The following CNTNAP2 variants were observed in gnomAD, a reference collection of about 807,000 sequenced individuals.
CNTNAP2 encodes contactin associated protein 2.
A neutral mutation model predicts 155.2 loss-of-function variants in CNTNAP2; 98 were observed. The ratio of observed to expected loss-of-function variants is 0.63; its 90% confidence interval spans 0.54 to 0.75. CNTNAP2 has a LOEUF of 0.75. CNTNAP2 is among the 30% of genes least tolerant of loss of function. The pLI is 0.00. For missense variants in CNTNAP2, 1,727 were observed against 1,688.1 expected (o/e 1.02, Z -0.40); for synonymous variants, 651 against 631.2 (o/e 1.03, Z -0.47).
chr7:147,782,022 A>T (rs938884376), intron 13 of CNTNAP2, among the ~76,000 whole-genome samples: 3 of 49,140 alleles, frequency 6.1e-5, no homozygotes, highest in Admixed American at 1.7e-4. Context: ...GATTCCGTTT[A>T]AAAAAAAAAA....
intron 16 of CNTNAP2, among the ~76,000 whole-genome samples, chr7:148,122,940 G>A (rs1281241490): frequency 6.6e-6 from 1 of 152,192 alleles, no homozygotes; most frequent in African/African-American, 2.4e-5. Context: ...TAAGTGGACG[G>A]GAAGATCCTA....
chr7:146,466,683 A>C (rs1009403463), intron 1 of CNTNAP2, among the ~76,000 whole-genome samples: 13 of 152,206 alleles, frequency 8.5e-5, no homozygotes, highest in African/African-American at 2.7e-4. Flanking sequence ...TAATAGTTTT[A>C]AGCGTAATAA....
intron 17 of CNTNAP2, among the ~76,000 whole-genome samples, chr7:148,164,587 A>T (rs1805613576): frequency 6.8e-6 from 1 of 146,856 alleles, no homozygotes; most frequent in Non-Finnish European, 1.5e-5. Context: ...CACCCATCCT[A>T]ACTCTGTGCT....
At chr7:148,355,268 G>A (rs150493871) in intron 21 of CNTNAP2, among the ~76,000 whole-genome samples, 19 of 128,328 alleles carry the variant, frequency 1.5e-4, no homozygotes, top group East Asian at 5.2e-4. Context: ...TACAAGCTCC[G>A]CCTCCCAGGT....
At chr7:146,472,171 G>T (rs959663819) in intron 1 of CNTNAP2, among the ~76,000 whole-genome samples, 1 of 152,156 alleles carries the variant, frequency 6.6e-6, no homozygotes, top group Admixed American at 6.5e-5. Context: ...ACAGTGGGTG[G>T]ATATGACTAC....
At chr7:146,721,889 A>ATATATATATATATATATATATTTTT in intron 1 of CNTNAP2, among the ~76,000 whole-genome samples, 2 of 69,738 alleles carry the variant, frequency 2.9e-5, no homozygotes, top group African/African-American at 3.8e-4. Context: ...ATATATATAT[A>ATATATATATATATATATATATTTTT]TTTTTTTTTT....
chr7:146,814,581 A>G (rs1351141396), intron 2 of CNTNAP2, among the ~76,000 whole-genome samples: 2 of 152,204 alleles, frequency 1.3e-5, no homozygotes, highest in African/African-American at 2.4e-5. Context: ...TGGCTATAGA[A>G]CTAGACAATT....
intron 1 of CNTNAP2, among the ~76,000 whole-genome samples, chr7:146,513,561 A>C (rs1797498740): frequency 6.6e-6 from 1 of 152,056 alleles, no homozygotes; most frequent in Admixed American, 6.6e-5. Context: ...ACAGAAACAA[A>C]GAAAACTATA....
intron 2 of CNTNAP2, among the ~76,000 whole-genome samples, chr7:146,788,277 G>A (rs1031847502): frequency 1.3e-5 from 2 of 152,250 alleles, no homozygotes; most frequent in African/African-American, 4.8e-5. Context: ...GCGGGCTGAA[G>A]GGCTCCTGGA....
At chr7:147,623,755 T>A (rs1215044723) in intron 12 of CNTNAP2, among the ~76,000 whole-genome samples, 3 of 151,500 alleles carry the variant, frequency 2.0e-5, no homozygotes, top group African/African-American at 4.9e-5. Context: ...AAAAAAATTT[T>A]AAATTTAAAA....
At chr7:148,260,030 CAAAGAAATTACCTT>C (rs2116829980) in intron 20 of CNTNAP2, among the ~76,000 whole-genome samples, 1 of 152,248 alleles carries the variant, frequency 6.6e-6, no homozygotes, top group Non-Finnish European at 1.5e-5. Flanking sequence ...ACTTGGACCC[CAAAGAAATTACCTT>C]GAAATTATTA....
chr7:146,837,446 T>TA (rs1360167306), intron 2 of CNTNAP2, among the ~76,000 whole-genome samples: 1 of 152,158 alleles, frequency 6.6e-6, no homozygotes, highest in Non-Finnish European at 1.5e-5. Context: ...TTTGCATTTT[T>TA]AAAAAATGTT....
intron 3 of CNTNAP2, among the ~76,000 whole-genome samples, chr7:146,994,376 G>T (rs1462540741): frequency 1.3e-5 from 2 of 152,054 alleles, no homozygotes; most frequent in Admixed American, 6.6e-5. Context: ...TACTGTTAAA[G>T]TTCTCATTTC....
chr7:147,729,318 C>T (rs545319539), intron 13 of CNTNAP2, among the ~76,000 whole-genome samples: 8 of 151,762 alleles, frequency 5.3e-5, no homozygotes, highest in Non-Finnish European at 1.0e-4. Context: ...ACTATGTGTC[C>T]GGCCTTTAAC....
chr7:146,307,718 A>G (rs1260333054), intron 1 of CNTNAP2, among the ~76,000 whole-genome samples: 1 of 152,200 alleles, frequency 6.6e-6, no homozygotes, highest in Non-Finnish European at 1.5e-5. Context: ...TGACAATAAC[A>G]TGAAATGAGT....
rs1265800742 is a variant in CNTNAP2, at chr7:146,721,887, A to ATTTTTTTT, written c.98-52383_98-52382insTTTTTTTT. On this transcript the variant is annotated intron_variant, in intron 1 of 23. Coordinates refer to ENST00000361727, the MANE Select transcript of CNTNAP2 (RefSeq NM_014141.6). ...TGTGTGTGTGTGTGTATATATATATATATTTTTTTTTTTTTTTTTGAGATG... is the reference window on the plus strand; with the variant it reads ...TGTGTGTGTGTGTGTATATATATATATTTTTTTTTATTTTTTTTTTTTTTTTTGAGATG... Among the ~76,000 whole-genome samples, 4 of 81,994 alleles carry ATTTTTTTT rather than the reference A, an allele frequency of 4.9e-5. No individual in the cohort carries two copies. In the African/African-American group the frequency reaches 8.0e-4, roughly 16 times the overall value. The allele number at this position is 81,994 out of a possible 152,430, so 53.8% of individuals were successfully genotyped here. A position where few individuals can be genotyped will look rare whatever the true frequency, so the allele number is the denominator to read the frequency against.
chr7:146,279,797 T>C (rs1490732824), intron 1 of CNTNAP2, among the ~76,000 whole-genome samples: 2 of 151,756 alleles, frequency 1.3e-5, no homozygotes, highest in African/African-American at 4.8e-5. Context: ...TAAAAAATAA[T>C]ATGCATAATA....
intron 1 of CNTNAP2, among the ~76,000 whole-genome samples, chr7:146,190,808 G>T (rs35057514): frequency 0.11 from 16,766 of 152,014 alleles, 1,225 homozygotes; most frequent in Non-Finnish European, 0.17. Context: ...TTAATGAAAA[G>T]AAGAAGACAG....
At chr7:147,405,145 T>C (rs1796983990) in intron 10 of CNTNAP2, among the ~76,000 whole-genome samples, 1 of 152,198 alleles carries the variant, frequency 6.6e-6, no homozygotes, top group South Asian at 2.1e-4. Flanking sequence ...AAAACAGTTA[T>C]ATGTTTGAAG....
Sources: gnomAD v4.1 joint callset for allele counts (sites outside exome capture counted in the v4.1 genomes callset) on GRCh38, gnomAD v4.1.1 for gene constraint, MANE v1.5 for transcripts, NCBI Gene and HGNC (gene_info 2026-07-23, HGNC 2026-07-21) for gene names.